Variants in KLHL1 observed in about 807,000 individuals in gnomAD.
KLHL1 encodes the protein kelch like family member 1.
In KLHL1, 47 loss-of-function variants were observed where a neutral mutation model predicts 77.7. That is an observed-to-expected ratio of 0.60 (90% CI 0.48 to 0.77). The LOEUF (loss-of-function observed/expected upper bound fraction) is 0.77, where lower values mean the gene tolerates loss of function less well. KLHL1 is among the 30% of genes least tolerant of loss of function. The pLI is 0.00. For missense variants in KLHL1, 925 were observed against 910.8 expected (o/e 1.02, Z -0.20); for synonymous variants, 360 against 325.2 (o/e 1.11, Z -1.15).
chr13:69,939,378 T>TATATATATATAGATATAC, intron 4 of KLHL1, among the ~76,000 whole-genome samples: 1 of 70,822 alleles, frequency 1.4e-5, no homozygotes, highest in African/African-American at 6.3e-5. Flanking sequence ...TATATATATA[T>TATATATATATAGATATAC]ACACACACAC....
chr13:70,015,569 T>C (rs964599021), intron 1 of KLHL1, among the ~76,000 whole-genome samples: 2 of 152,194 alleles, frequency 1.3e-5, no homozygotes, highest in Non-Finnish European at 2.9e-5. Context: ...CACATATGAC[T>C]CTTCCGTTTT....
chr13:69,880,991 T>C (rs1214465540), intron 5 of KLHL1, among the ~76,000 whole-genome samples: 24 of 152,278 alleles, frequency 1.6e-4, no homozygotes, highest in Admixed American at 1.6e-3. Context: ...GCCCAAACTC[T>C]AATAGATACT....
At chr13:70,062,351 G>A (rs780534435) in intron 1 of KLHL1, among the ~76,000 whole-genome samples, 3 of 152,118 alleles carry the variant, frequency 2.0e-5, no homozygotes, top group Non-Finnish European at 2.9e-5. Context: ...AAAGTGAAAT[G>A]ATGATTCTCT....
chr13:69,857,028 C>T (rs1217798901), intron 5 of KLHL1, among the ~76,000 whole-genome samples: 1 of 151,982 alleles, frequency 6.6e-6, no homozygotes, highest in Admixed American at 6.6e-5. Context: ...TTAATGGCTC[C>T]TCCAATGAAC....
At chr13:69,853,052 A>G (rs1191742128) in intron 5 of KLHL1, among the ~76,000 whole-genome samples, 1 of 152,074 alleles carries the variant, frequency 6.6e-6, no homozygotes, top group East Asian at 1.9e-4. Flanking sequence ...GCCGCAGTAT[A>G]TTAGGCTGTG....
chr13:70,037,220 G>T (rs1886261904), intron 1 of KLHL1, among the ~76,000 whole-genome samples: 2 of 151,866 alleles, frequency 1.3e-5, no homozygotes, highest in South Asian at 2.1e-4. Flanking sequence ...ATAAAGTTTT[G>T]GTGGTGACAG....
intron 1 of KLHL1, among the ~76,000 whole-genome samples, chr13:70,038,271 T>C (rs1409051719): frequency 6.6e-6 from 1 of 152,206 alleles, no homozygotes; most frequent in African/African-American, 2.4e-5. Flanking sequence ...CATTATTCTG[T>C]GGTAGCAATG....
intron 6 of KLHL1, among the ~76,000 whole-genome samples, chr13:69,800,887 G>A (rs1213904830): frequency 6.6e-6 from 1 of 152,076 alleles, no homozygotes; most frequent in Admixed American, 6.6e-5. Flanking sequence ...AAGTTAGAGT[G>A]GACTGCTGCA....
chr13:69,997,444 A>T (rs915062047), intron 1 of KLHL1, among the ~76,000 whole-genome samples: 48 of 151,462 alleles, frequency 3.2e-4, no homozygotes, highest in African/African-American at 1.0e-3. Flanking sequence ...ACTTATGTCC[A>T]TTAAACAGCT....
chr13:69,979,090 G>C (rs1317625063), intron 1 of KLHL1, among the ~76,000 whole-genome samples: 1 of 150,848 alleles, frequency 6.6e-6, no homozygotes, highest in Non-Finnish European at 1.5e-5. Context: ...ATATAATACA[G>C]ACTTGGACTT....
At chr13:69,761,782 G>A (rs1875034919) in intron 7 of KLHL1, among the ~76,000 whole-genome samples, 1 of 152,126 alleles carries the variant, frequency 6.6e-6, no homozygotes, top group Non-Finnish European at 1.5e-5. Context: ...CTCAATGGCT[G>A]CCTGGTTTTT....
intron 6 of KLHL1, among the ~76,000 whole-genome samples, chr13:69,800,840 C>A (rs1015720774): frequency 1.3e-5 from 2 of 152,054 alleles, no homozygotes; most frequent in African/African-American, 2.4e-5. Flanking sequence ...TAGAGAAAAA[C>A]CAATATTTAT....
chr13:69,714,373 C>T (rs1876017393), intron 9 of KLHL1, among the ~76,000 whole-genome samples: 1 of 151,986 alleles, frequency 6.6e-6, no homozygotes, highest in African/African-American at 2.4e-5. Context: ...TCACAATAAA[C>T]CTTTAAAAAT....
At chr13:69,856,339 C>T (rs1879919570) in intron 5 of KLHL1, among the ~76,000 whole-genome samples, 1 of 152,040 alleles carries the variant, frequency 6.6e-6, no homozygotes, top group South Asian at 2.1e-4. Context: ...TGGTCCTCTT[C>T]ATGTCACAAT....
At chr13:69,993,623 A>T (rs1885079463) in intron 1 of KLHL1, among the ~76,000 whole-genome samples, 1 of 152,122 alleles carries the variant, frequency 6.6e-6, no homozygotes, top group Non-Finnish European at 1.5e-5. Context: ...CTGACTGTGA[A>T]TTCCAGGTAT....
intron 7 of KLHL1, among the ~76,000 whole-genome samples, chr13:69,771,563 C>A (rs1593813654): frequency 3.3e-5 from 5 of 152,262 alleles, no homozygotes; most frequent in East Asian, 1.9e-4. Context: ...CTTCTAGCAG[C>A]AATTGACCTT....
chr13:70,008,251 C>T (rs1483800306), intron 1 of KLHL1, among the ~76,000 whole-genome samples: 1 of 151,920 alleles, frequency 6.6e-6, no homozygotes, highest in Non-Finnish European at 1.5e-5. Context: ...TACATTAAAA[C>T]TGATTATTGT....
chr13:70,067,634 GACAACAACA>G (rs3072584), intron 1 of KLHL1, among the ~76,000 whole-genome samples: 4 of 150,924 alleles, frequency 2.7e-5, no homozygotes, highest in East Asian at 2.0e-4. Context: ...GACATATTTT[GACAACAACA>G]ACAACAACAA....
intron 5 of KLHL1, among the ~76,000 whole-genome samples, chr13:69,851,154 T>TAA (rs1879673409): frequency 1.3e-5 from 2 of 150,220 alleles, no homozygotes; most frequent in East Asian, 2.0e-4. Context: ...TTTTAAGTAC[T>TAA]GTGTTTACTT....
Sources: gnomAD v4.1 joint callset for allele counts (sites outside exome capture counted in the v4.1 genomes callset) on GRCh38, gnomAD v4.1.1 for gene constraint, MANE v1.5 for transcripts, NCBI Gene and HGNC (gene_info 2026-07-23, HGNC 2026-07-21) for gene names.